Variants in ANKRD30BL observed in about 807,000 individuals in gnomAD.
ANKRD30BL encodes putative ankyrin repeat domain-containing protein 30B-like.
ANKRD30BL carries 20 observed loss-of-function variants against 18.4 expected under a neutral mutation model. That is an observed-to-expected ratio of 1.09 (90% CI 0.77 to 1.58). The LOEUF (loss-of-function observed/expected upper bound fraction) is 1.58, where lower values mean the gene tolerates loss of function less well. Among genes scored for constraint, ANKRD30BL ranks in the 40% most tolerant of loss-of-function variants. ANKRD30BL has a pLI of 0.00. For missense variants in ANKRD30BL, 224 were observed against 268.6 expected (o/e 0.83, Z 1.16); for synonymous variants, 72 against 100.9 (o/e 0.71, Z 1.72).
intron 1 of ANKRD30BL, among the ~76,000 whole-genome samples, chr2:132,185,622 CTG>C (rs1231465085): frequency 6.6e-6 from 1 of 152,116 alleles, no homozygotes; most frequent in Non-Finnish European, 1.5e-5. Context: ...TATCTTGGGA[CTG>C]TGACAGGAGA....
intron 4 of ANKRD30BL, among the ~76,000 whole-genome samples, chr2:132,151,580 C>A (rs1174452041): frequency 1.3e-5 from 2 of 148,616 alleles, no homozygotes; most frequent in African/African-American, 2.5e-5. Flanking sequence ...GCCTGGGCAA[C>A]ATAGGGAGAC....
chr2:132,212,824 A>G (rs1254989085), intron 1 of ANKRD30BL, among the ~76,000 whole-genome samples: 2 of 151,958 alleles, frequency 1.3e-5, no homozygotes, highest in African/African-American at 4.8e-5. Flanking sequence ...TAAAAACTAG[A>G]CAGAAGCATT....
chr2:132,252,677 T>C (rs1680687902), intron 1 of ANKRD30BL, among the ~76,000 whole-genome samples: 1 of 151,810 alleles, frequency 6.6e-6, no homozygotes, highest in African/African-American at 2.4e-5. Context: ...TGTGACGTGC[T>C]CCCCCACCCT....
intron 1 of ANKRD30BL, among the ~76,000 whole-genome samples, chr2:132,231,666 C>T (rs183735368): frequency 0.014 from 2,111 of 152,270 alleles, 40 homozygotes; most frequent in African/African-American, 0.047. Context: ...GATTATATCC[C>T]GCACCTGGCT....
In ANKRD30BL at chr2:132,148,225, C is replaced by T. The variant is rs759283225; in HGVS notation, c.683G>A (p.Gly228Glu). ...SKNSQNSNPE[G>E]TSEGTPDEAA... ...CTCATCAGGTGTTCCTTCAGATGTT[C>T]CTTCTGCCAAACACAGAGTCTGGTT... The change falls in exon 6 of 6, where the codon GGA becomes GAA. Residue 228 changes from glycine (G) to glutamate (E), a missense_variant. Coordinates refer to ENST00000409867, the MANE Select transcript of ANKRD30BL (RefSeq NM_001358416.1). 1.1e-5 allele frequency: 17 copies of T among 1,603,622 alleles called. No individual in the cohort carries two copies. In the East Asian group the frequency reaches 3.8e-4, roughly 36 times the overall value.
chr2:132,239,776 G>A (rs2104793078), intron 1 of ANKRD30BL, among the ~76,000 whole-genome samples: 1 of 151,094 alleles, frequency 6.6e-6, no homozygotes, highest in East Asian at 2.0e-4. Flanking sequence ...GACATTTGGA[G>A]CGCTTTGAGG....
intron 1 of ANKRD30BL, among the ~76,000 whole-genome samples, chr2:132,221,867 AG>A (rs1679697427): frequency 4.0e-5 from 2 of 49,724 alleles, no homozygotes; most frequent in East Asian, 1.1e-3. Flanking sequence ...GGGAGGGGGG[AG>A]GGGGAGTCAG....
chr2:132,166,300 C>T (rs1453860243), upstream of ANKRD30BL, among the ~76,000 whole-genome samples: 1 of 151,922 alleles, frequency 6.6e-6, no homozygotes, highest in Non-Finnish European at 1.5e-5. Context: ...GTAATATTTA[C>T]CTCACAGAAT....
intron 1 of ANKRD30BL, among the ~76,000 whole-genome samples, chr2:132,158,745 A>G (rs1252297460): frequency 2.7e-5 from 4 of 150,458 alleles, no homozygotes; most frequent in Admixed American, 2.0e-4. Context: ...TTTTCTTAAT[A>G]ATAAAACTAC....
At chr2:132,226,063 A>G (rs1245142649) in intron 1 of ANKRD30BL, among the ~76,000 whole-genome samples, 2 of 152,076 alleles carry the variant, frequency 1.3e-5, no homozygotes, top group Admixed American at 1.3e-4. Flanking sequence ...TGATGTCTGC[A>G]TTCAACTCAC....
intron 1 of ANKRD30BL, among the ~76,000 whole-genome samples, chr2:132,247,837 T>C (rs1680544587): frequency 6.6e-6 from 1 of 151,750 alleles, no homozygotes; most frequent in African/African-American, 2.4e-5. Flanking sequence ...TTCTGAATTG[T>C]GCATTCATAA....
intron 1 of ANKRD30BL, among the ~76,000 whole-genome samples, chr2:132,196,654 C>T (rs534382623): frequency 5.9e-5 from 9 of 151,868 alleles, no homozygotes; most frequent in Non-Finnish European, 8.8e-5. Flanking sequence ...AGTGTGGTGG[C>T]GCATGCCTGT....
chr2:132,198,324 C>CTTT (rs773252461), intron 1 of ANKRD30BL, among the ~76,000 whole-genome samples: 8 of 16,810 alleles, frequency 4.8e-4, no homozygotes, highest in East Asian at 2.6e-3. Context: ...TTCTTTCTTT[C>CTTT]TTTTTTTTTT....
At chr2:132,192,119 T>G (rs1002358057) in intron 1 of ANKRD30BL, among the ~76,000 whole-genome samples, 6 of 152,190 alleles carry the variant, frequency 3.9e-5, no homozygotes, top group Non-Finnish European at 8.8e-5. Context: ...TTTATATCTA[T>G]CCATCTATAT....
At chr2:132,249,340 T>C (rs1476159263) in intron 1 of ANKRD30BL, among the ~76,000 whole-genome samples, 1 of 152,082 alleles carries the variant, frequency 6.6e-6, no homozygotes, top group Non-Finnish European at 1.5e-5. Flanking sequence ...TTCACAAATA[T>C]CCATTTGCAG....
chr2:132,161,675 C>G lies in ANKRD30BL; in HGVS notation c.31G>C (p.Gly11Arg), dbSNP rs1688066966. 6.9e-7 allele frequency: 1 copy of G among 1,450,178 alleles called. No homozygotes were observed. The highest frequency in any genetic ancestry group is 1.4e-5 in the African/African-American group (1 of 70,682). 89.8% of individuals were successfully genotyped at this position (1,450,178 alleles called of 1,614,324 possible). A position where few individuals can be genotyped will look rare whatever the true frequency, so the allele number is the denominator to read the frequency against. The change falls in exon 1 of 6, where the codon GGC becomes CGC. Residue 11 changes from glycine to arginine, a missense_variant. By Grantham distance (125) the Gly-to-Arg change is moderately radical (BLOSUM62 -2). This residue lies in a region of ANKRD30BL where 131 missense variants were observed against 128.8 expected (regional missense o/e 1.02). Transcript: ENST00000409867. Reference protein sequence around the residue: MERLSAAPVKGQTGPERPSPF... With the variant: MERLSAAPVKRQTGPERPSPF... Reference sequence around the variant, plus strand: ...CTCGGGCGCTCTGGGCCCGTCTGGCCCTTGACAGGGGCGGCAGAGAGCCTC... The same window carrying G: ...CTCGGGCGCTCTGGGCCCGTCTGGCGCTTGACAGGGGCGGCAGAGAGCCTC...
intron 1 of ANKRD30BL, among the ~76,000 whole-genome samples, chr2:132,236,137 T>C (rs959549944): frequency 8.2e-4 from 125 of 152,218 alleles, no homozygotes; most frequent in Non-Finnish European, 1.4e-3. Flanking sequence ...GCTAGCCATA[T>C]GTAGAAAGCT....
intron 1 of ANKRD30BL, among the ~76,000 whole-genome samples, chr2:132,187,664 A>T (rs1235378858): frequency 6.6e-6 from 1 of 152,136 alleles, no homozygotes; most frequent in Non-Finnish European, 1.5e-5. Flanking sequence ...CAGTTTGTTA[A>T]GCTCAACTGT....
At chr2:132,193,201 C>T (rs1367842512) in intron 1 of ANKRD30BL, among the ~76,000 whole-genome samples, 3 of 152,226 alleles carry the variant, frequency 2.0e-5, no homozygotes, top group Non-Finnish European at 4.4e-5. Flanking sequence ...TGCAGTCACT[C>T]ATATGACCAT....
Sources: gnomAD v4.1 joint callset for allele counts (sites outside exome capture counted in the v4.1 genomes callset) on GRCh38, gnomAD v4.1.1 for gene constraint, gnomAD v4.1.1 regional missense constraint, MANE v1.5 for transcripts, NCBI Gene and HGNC (gene_info 2026-07-23, HGNC 2026-07-21) for gene names.